GPR141: variants seen among roughly 807,000 people sequenced by gnomAD.
GPR141 encodes the protein G protein-coupled receptor 141.
GPR141 carries 6 observed loss-of-function variants against 6.8 expected under a neutral mutation model. That is an observed-to-expected ratio of 0.88 (90% CI 0.48 to 1.74). The LOEUF (loss-of-function observed/expected upper bound fraction) is 1.74. GPR141 is among the 40% of genes most tolerant of loss of function. GPR141 has a pLI of 0.01. For synonymous variants in GPR141, 140 were observed against 142.3 expected, an observed-to-expected ratio of 0.98 and a Z score of 0.11; for missense variants, 372 against 372.9, an observed-to-expected ratio of 1.00 and a Z score of 0.02.
intron 2 of GPR141, among the ~76,000 whole-genome samples, chr7:37,695,489 G>A (rs1266414795): frequency 6.6e-6 from 1 of 152,132 alleles, no homozygotes. Flanking sequence ...GATGATGTTG[G>A]CTAGGGTTCT....
intron 2 of GPR141, among the ~76,000 whole-genome samples, chr7:37,735,461 A>T (rs1812184218): frequency 6.6e-6 from 1 of 152,242 alleles, no homozygotes. Flanking sequence ...TCATCAGAAA[A>T]AGTGGTCAGA....
intron 2 of GPR141, among the ~76,000 whole-genome samples, chr7:37,686,270 T>C (rs1316850033): frequency 6.7e-6 from 1 of 149,926 alleles, no homozygotes; most frequent in East Asian, 2.0e-4. Context: ...AGACTAAAAA[T>C]ATTTTAAAGA....
chr7:37,735,110 G>A (rs1200923853), intron 2 of GPR141, among the ~76,000 whole-genome samples: 2 of 152,136 alleles, frequency 1.3e-5, no homozygotes, highest in African/African-American at 2.4e-5. Flanking sequence ...GGGATGGAAG[G>A]TTGATCAACT....
At chr7:37,728,536 A>T (rs1030685137) in intron 2 of GPR141, among the ~76,000 whole-genome samples, 6 of 152,112 alleles carry the variant, frequency 3.9e-5, no homozygotes, top group African/African-American at 1.4e-4. Flanking sequence ...CTGGTCTCTG[A>T]TGTTGGCTCT....
chr7:37,709,535 T>C (rs1050833462), intron 2 of GPR141, among the ~76,000 whole-genome samples: 3 of 152,186 alleles, frequency 2.0e-5, no homozygotes, highest in Non-Finnish European at 4.4e-5. Flanking sequence ...TTGCCACATA[T>C]GGCCAAAGTG....
rs559113460 is a variant in GPR141 at position 37,741,312 on chromosome 7, C to A, written c.*1C>A. 2.5e-6 allele frequency: 4 copies of A among 1,569,030 alleles called. No individual in the cohort carries two copies. Among genetic ancestry groups the A allele is most frequent in the African/African-American group, 2.7e-5 (2 of 73,472 alleles). ...ATGGAATTGTGTTTTGTGCCGTTAG[C>A]CACAAACTACAGTATTCATATTTGC... On this transcript the variant is annotated 3_prime_UTR_variant, in exon 3 of 3. Transcript: ENST00000334425.
chr7:37,718,974 G>A (rs770069676), intron 2 of GPR141, among the ~76,000 whole-genome samples: 12 of 152,170 alleles, frequency 7.9e-5, no homozygotes, highest in Non-Finnish European at 1.5e-4. Context: ...TTGCAGGGTG[G>A]GGGATAGGGT....
At chr7:37,713,673 C>G (rs778012805) in intron 2 of GPR141, among the ~76,000 whole-genome samples, 3 of 152,180 alleles carry the variant, frequency 2.0e-5, no homozygotes, top group Non-Finnish European at 4.4e-5. Context: ...TGTTCTGCCA[C>G]TTTAAAGATA....
At chr7:37,687,617 G>A (rs895031595) in intron 2 of GPR141, among the ~76,000 whole-genome samples, 1 of 152,120 alleles carries the variant, frequency 6.6e-6, no homozygotes, top group Admixed American at 6.5e-5. Flanking sequence ...CATGCTTCAT[G>A]AATGGGAGCT....
intron 2 of GPR141, among the ~76,000 whole-genome samples, chr7:37,702,858 CAT>C (rs1484710296): frequency 6.8e-6 from 1 of 146,758 alleles, no homozygotes; most frequent in Non-Finnish European, 1.5e-5. Flanking sequence ...CCCCCAAAGT[CAT>C]ATAATATTGT....
At chr7:37,739,646 T>C (rs1388522127) in intron 2 of GPR141, among the ~76,000 whole-genome samples, 1 of 152,180 alleles carries the variant, frequency 6.6e-6, no homozygotes, top group Non-Finnish European at 1.5e-5. Context: ...AGAGTAATTG[T>C]GGAGCGGATC....
chr7:37,692,947 G>A lies in GPR141; in HGVS notation c.-15+7364G>A, dbSNP rs114365629. ...AAAATTTTCTCCCATTCTGAAGGTTGTCTTTTCACTCTGATGACAGTTGTT... is the reference window on the plus strand; with the variant it reads ...AAAATTTTCTCCCATTCTGAAGGTTATCTTTTCACTCTGATGACAGTTGTT... On this transcript the variant is annotated intron_variant, in intron 2 of 2. Transcript: ENST00000334425. Among the ~76,000 whole-genome samples, 736 of 152,300 alleles carry A rather than the reference G, an allele frequency of 4.8e-3. 9 individuals are homozygous for A. Among genetic ancestry groups the A allele is most frequent in the African/African-American group, 0.017 (702 of 41,568 alleles).
intron 2 of GPR141, among the ~76,000 whole-genome samples, chr7:37,717,548 T>C (rs1811105254): frequency 6.6e-6 from 1 of 152,202 alleles, no homozygotes; most frequent in Admixed American, 6.5e-5. Context: ...TGTCCATCCC[T>C]GACATTTTCT....
At chr7:37,711,414 G>A (rs1350307477) in intron 2 of GPR141, among the ~76,000 whole-genome samples, 2 of 152,164 alleles carry the variant, frequency 1.3e-5, no homozygotes, top group African/African-American at 4.8e-5. Flanking sequence ...TGAGCTACAT[G>A]GGAGTAAGTG....
Position 37,741,090 on chromosome 7 carries a change from G to C in GPR141, c.697G>C (p.Val233Leu), listed in dbSNP as rs1246324219. Reference sequence around the variant, plus strand: ...GCTGAAAAACCTATTTTTTATAGGGGTCATCCTTGTTTGTTTCCTTCCCTA... The same window carrying C: ...GCTGAAAAACCTATTTTTTATAGGGCTCATCCTTGTTTGTTTCCTTCCCTA... ...AQLKNLFFIG[V>L]ILVCFLPYQF... The change falls in exon 3 of 3, where the codon GTC becomes CTC. Residue 233 changes from valine (V) to leucine (L), a missense_variant. Transcript: ENST00000334425. The C allele has an allele frequency of 6.2e-7, 1 of 1,613,758 alleles. No individual in the cohort carries two copies. Among genetic ancestry groups the C allele is most frequent in the Admixed American group, 1.7e-5 (1 of 59,988 alleles).
chr7:37,727,374 A>C (rs538907253), intron 2 of GPR141, among the ~76,000 whole-genome samples: 1 of 151,944 alleles, frequency 6.6e-6, no homozygotes, highest in South Asian at 2.1e-4. Flanking sequence ...TTTTGCTTCT[A>C]TCTGTGGGAG....
chr7:37,696,505 T>C (rs1398083264), intron 2 of GPR141, among the ~76,000 whole-genome samples: 1 of 152,090 alleles, frequency 6.6e-6, no homozygotes, highest in Non-Finnish European at 1.5e-5. Flanking sequence ...TTTGGAATGT[T>C]ATGCTCTATG....
At chr7:37,711,983 T>C (rs898978137) in intron 2 of GPR141, among the ~76,000 whole-genome samples, 1 of 152,200 alleles carries the variant, frequency 6.6e-6, no homozygotes, top group African/African-American at 2.4e-5. Context: ...TCAGGGGAGA[T>C]ACCTTCATTT....
chr7:37,711,573 ACTC>A (rs769541897), intron 2 of GPR141, among the ~76,000 whole-genome samples: 1 of 152,040 alleles, frequency 6.6e-6, no homozygotes, highest in Non-Finnish European at 1.5e-5. Flanking sequence ...CTTTGAGATA[ACTC>A]CTCCTTTTAA....
Sources: gnomAD v4.1 joint callset for allele counts (sites outside exome capture counted in the v4.1 genomes callset) on GRCh38, gnomAD v4.1.1 for gene constraint, MANE v1.5 for transcripts, NCBI Gene and HGNC (gene_info 2026-07-23, HGNC 2026-07-21) for gene names.